MCTP1: variants seen among roughly 807,000 people sequenced by gnomAD.
MCTP1 encodes multiple C2 and transmembrane domain containing 1, also known as multiple C2 and transmembrane domain-containing protein 1.
Under a neutral mutation model 120.6 loss-of-function variants are expected in MCTP1, and 69 were observed. The ratio of observed to expected loss-of-function variants is 0.57; its 90% CI spans 0.47 to 0.70. The LOEUF (loss-of-function observed/expected upper bound fraction) is 0.70. Ranked by LOEUF, MCTP1 falls within the 30% of genes least tolerant of loss-of-function variation. MCTP1 has a pLI of 0.00. For missense variants in MCTP1, 1,203 were observed against 1,248.8 expected (o/e 0.96, Z 0.55); for synonymous variants, 529 against 493.1 (o/e 1.07, Z -0.96).
chr5:94,819,232 C>T (rs1163913923), intron 17 of MCTP1, among the ~76,000 whole-genome samples: 1 of 152,004 alleles, frequency 6.6e-6, no homozygotes, highest in Admixed American at 6.6e-5. Context: ...GGGTTCCAGC[C>T]ATTCTTCTGC....
At chr5:95,073,833 A>G (rs1374985885) in intron 1 of MCTP1, among the ~76,000 whole-genome samples, 1 of 152,044 alleles carries the variant, frequency 6.6e-6, no homozygotes, top group African/African-American at 2.4e-5. Flanking sequence ...TTTTCTTAAA[A>G]TTTATACTCT....
At chr5:95,278,719 T>C (rs1489653155) in intron 1 of MCTP1, among the ~76,000 whole-genome samples, 3 of 151,998 alleles carry the variant, frequency 2.0e-5, no homozygotes, top group Non-Finnish European at 2.9e-5. Flanking sequence ...TCCCAACACC[T>C]TGGGAGGCCG....
chr5:95,056,821 G>C (rs1190032176), intron 1 of MCTP1, among the ~76,000 whole-genome samples: 1 of 151,874 alleles, frequency 6.6e-6, no homozygotes, highest in Non-Finnish European at 1.5e-5. Context: ...CCATAGTCTT[G>C]CTCCTGGATT....
At chr5:95,079,058 T>G (rs1754288525) in intron 1 of MCTP1, among the ~76,000 whole-genome samples, 2 of 152,140 alleles carry the variant, frequency 1.3e-5, no homozygotes, top group South Asian at 4.1e-4. Context: ...GTGAAATGAC[T>G]CAAGCAAAGG....
intron 17 of MCTP1, among the ~76,000 whole-genome samples, chr5:94,823,543 A>G (rs1786187537): frequency 6.6e-6 from 1 of 152,180 alleles, no homozygotes; most frequent in Non-Finnish European, 1.5e-5. Context: ...TTTTGATTTC[A>G]TATGAAATTT....
rs910482218 is a variant in MCTP1 at position 94,813,131 on chromosome 5, A to G, written c.2437-13999T>C. On this transcript the variant is annotated intron_variant, in intron 17 of 22. Coordinates refer to ENST00000515393, the MANE Select transcript of MCTP1 (RefSeq NM_024717.7). ...ATGTAGAGTACTTAATACGAAGACAAAAACCCCGTTTAAACAATGGGAAAA... is the reference window on the plus strand; with the variant it reads ...ATGTAGAGTACTTAATACGAAGACAGAAACCCCGTTTAAACAATGGGAAAA... 6.6e-5 allele frequency among the ~76,000 whole-genome samples: 10 copies of G among 152,320 alleles called. No homozygotes were observed. In the East Asian group the frequency reaches 1.7e-3, roughly 26 times the overall value.
chr5:94,826,062 C>A, intron 17 of MCTP1: 2 of 311,674 alleles, frequency 6.4e-6, no homozygotes, highest in Non-Finnish European at 1.2e-5. Context: ...GGAGAAGATA[C>A]TTTGAAGGAT....
intron 1 of MCTP1, chr5:95,081,785 G>T: frequency 1.8e-6 from 2 of 1,101,554 alleles, no homozygotes; most frequent in Non-Finnish European, 2.2e-6. Context: ...CATATCTGGG[G>T]TTCTAAAATA....
chr5:94,857,837 TATC>T (rs1454221145), intron 17 of MCTP1, among the ~76,000 whole-genome samples: 3 of 151,706 alleles, frequency 2.0e-5, no homozygotes, highest in Non-Finnish European at 4.4e-5. Context: ...CAAATTCAAA[TATC>T]ATCTCAAAAT....
intron 4 of MCTP1, among the ~76,000 whole-genome samples, chr5:94,940,607 C>CAT (rs1227709807): frequency 6.9e-6 from 1 of 145,188 alleles, no homozygotes; most frequent in Non-Finnish European, 1.5e-5. Flanking sequence ...TACACATATA[C>CAT]ATATATATGT....
chr5:94,891,987 G>A (rs1266684076), intron 11 of MCTP1, among the ~76,000 whole-genome samples: 1 of 151,986 alleles, frequency 6.6e-6, no homozygotes, highest in Non-Finnish European at 1.5e-5. Context: ...CTCTGGAGAG[G>A]AGTCCTCTTT....
At chr5:94,731,064 G>T (rs1580357540) in intron 19 of MCTP1, among the ~76,000 whole-genome samples, 1 of 152,184 alleles carries the variant, frequency 6.6e-6, no homozygotes, top group East Asian at 1.9e-4. Context: ...GCAAGGGAGG[G>T]TGATCTTACT....
At chr5:94,878,947 G>A (rs539638133) in intron 12 of MCTP1, among the ~76,000 whole-genome samples, 25 of 152,074 alleles carry the variant, frequency 1.6e-4, no homozygotes, top group Non-Finnish European at 1.6e-4. Flanking sequence ...GAGAAGGTGA[G>A]GTCTGAGCAA....
rs910376251 is a variant in MCTP1, at chr5:94,775,785, ATTAAAAGAG to A, written c.2610+3316_2610+3324del. 8.5e-5 allele frequency among the ~76,000 whole-genome samples: 13 copies of A among 152,144 alleles called. No homozygotes were observed. The South Asian group carries it at 2.5e-3, about 29-fold the overall frequency. ...GCCTTTGTGAAAACCATGGAATTGGATTAAAAGAGAAGCCACCTAATTTTAGATTTAAAC... is the reference window on the plus strand; with the variant it reads ...GCCTTTGTGAAAACCATGGAATTGGAAAGCCACCTAATTTTAGATTTAAAC... On this transcript the variant is annotated intron_variant, in intron 19 of 22. Transcript: ENST00000515393.
chr5:94,738,864 G>T (rs1764873465), intron 19 of MCTP1, among the ~76,000 whole-genome samples: 1 of 152,190 alleles, frequency 6.6e-6, no homozygotes, highest in Non-Finnish European at 1.5e-5. Flanking sequence ...TACTTCGGTT[G>T]TGTCCACCAA....
intron 1 of MCTP1, among the ~76,000 whole-genome samples, chr5:95,047,515 A>G (rs1183686584): frequency 6.6e-6 from 1 of 152,138 alleles, no homozygotes; most frequent in Non-Finnish European, 1.5e-5. Context: ...GAACTTTAGT[A>G]ATATTGTTCT....
chr5:94,870,519 G>T, intron 15 of MCTP1, 28 bp from the exon 16 acceptor site: 2 of 1,420,190 alleles, frequency 1.4e-6, no homozygotes, highest in Non-Finnish European at 2.0e-6. Context: ...TGTCTGTTAT[G>T]GATTAATATA....
chr5:95,203,141 T>C (rs1478342357), intron 1 of MCTP1, among the ~76,000 whole-genome samples: 1 of 152,270 alleles, frequency 6.6e-6, no homozygotes, highest in African/African-American at 2.4e-5. Context: ...AACATTCACC[T>C]GACTGAACAA....
At chr5:95,077,040 T>C (rs1038385348) in intron 1 of MCTP1, among the ~76,000 whole-genome samples, 1 of 152,232 alleles carries the variant, frequency 6.6e-6, no homozygotes, top group African/African-American at 2.4e-5. Flanking sequence ...GTCACCTTCC[T>C]TATTTTGGAA....
Sources: gnomAD v4.1 joint callset for allele counts (sites outside exome capture counted in the v4.1 genomes callset) on GRCh38, gnomAD v4.1.1 for gene constraint, MANE v1.5 for transcripts, NCBI Gene and HGNC (gene_info 2026-07-23, HGNC 2026-07-21) for gene names.